The following DSCAM variants were observed in gnomAD, a reference collection of about 807,000 sequenced individuals.
The protein encoded by DSCAM is DS cell adhesion molecule, also known as cell adhesion molecule DSCAM.
A neutral mutation model predicts 217.7 loss-of-function variants in DSCAM; 47 were observed. The ratio of observed to expected loss-of-function variants is 0.22; its 90% confidence interval spans 0.17 to 0.28. The LOEUF (loss-of-function observed/expected upper bound fraction) is 0.28, where lower values mean the gene tolerates loss of function less well. Ranked by LOEUF, DSCAM falls within the 10% of genes least tolerant of loss-of-function variation. DSCAM has a pLI of 1.00. For synonymous variants in DSCAM, 1,056 were observed against 1,015.3 expected (o/e 1.04, Z -0.76); for missense variants, 2,080 against 2,618.3 (o/e 0.79, Z 4.49).
chr21:40,130,804 A>C (rs2146684121), intron 19 of DSCAM, among the ~76,000 whole-genome samples: 1 of 152,352 alleles, frequency 6.6e-6, no homozygotes, highest in East Asian at 1.9e-4. Context: ...ATTGCAAATA[A>C]TCCCTTGCAA....
chr21:40,649,090 A>G (rs1307093781), intron 3 of DSCAM, among the ~76,000 whole-genome samples: 2 of 137,838 alleles, frequency 1.5e-5, no homozygotes, highest in Non-Finnish European at 3.2e-5. Flanking sequence ...AGCCTCACAC[A>G]CTTTATTGAC....
At chr21:40,089,821 C>G (rs2089582043) in intron 21 of DSCAM, among the ~76,000 whole-genome samples, 1 of 152,122 alleles carries the variant, frequency 6.6e-6, no homozygotes, top group African/African-American at 2.4e-5. Context: ...CTACCTACAG[C>G]AATCCTAACC....
chr21:40,075,886 G>A (rs1315057432), intron 26 of DSCAM, among the ~76,000 whole-genome samples: 1 of 152,178 alleles, frequency 6.6e-6, no homozygotes, highest in Admixed American at 6.5e-5. Flanking sequence ...AAACACTGAA[G>A]GAAGATGAAC....
At chr21:40,475,621 A>T (rs2075927306) in intron 3 of DSCAM, among the ~76,000 whole-genome samples, 1 of 152,218 alleles carries the variant, frequency 6.6e-6, no homozygotes. Context: ...TCACAAGGTC[A>T]GGAGTTCAAG....
At chr21:40,404,052 C>G (rs1258339431) in intron 3 of DSCAM, among the ~76,000 whole-genome samples, 1 of 152,070 alleles carries the variant, frequency 6.6e-6, no homozygotes, top group Non-Finnish European at 1.5e-5. Context: ...AATGAGAAAG[C>G]CCTGAGATGG....
chr21:40,736,395 G>A (rs1252886066), intron 1 of DSCAM, among the ~76,000 whole-genome samples: 2 of 152,034 alleles, frequency 1.3e-5, no homozygotes, highest in African/African-American at 4.8e-5. Flanking sequence ...TAAGCTCATG[G>A]GGGCCGTGGG....
At chr21:40,139,838 G>T (rs1036909239) in intron 18 of DSCAM, among the ~76,000 whole-genome samples, 1 of 149,724 alleles carries the variant, frequency 6.7e-6, no homozygotes, top group Admixed American at 6.7e-5. Context: ...GCGTGGTGTG[G>T]TATGTGTGGT....
intron 3 of DSCAM, among the ~76,000 whole-genome samples, chr21:40,374,930 A>C (rs1412731695): frequency 6.6e-6 from 1 of 152,182 alleles, no homozygotes; most frequent in Admixed American, 6.5e-5. Context: ...CTATTTTGTG[A>C]TAGTAGCCCA....
intron 3 of DSCAM, among the ~76,000 whole-genome samples, chr21:40,523,287 C>T (rs939209494): frequency 6.6e-6 from 1 of 151,540 alleles, no homozygotes; most frequent in Non-Finnish European, 1.5e-5. Flanking sequence ...TATTGCAATT[C>T]CCAAGACCAC....
At chr21:40,224,457 C>T (rs1283106166) in intron 11 of DSCAM, among the ~76,000 whole-genome samples, 1 of 152,178 alleles carries the variant, frequency 6.6e-6, no homozygotes, top group Non-Finnish European at 1.5e-5. Flanking sequence ...CAGGAATATG[C>T]TTATCTTTCA....
chr21:40,630,465 GTTTTTGTA>G (rs1693644990), intron 3 of DSCAM, among the ~76,000 whole-genome samples: 2 of 152,086 alleles, frequency 1.3e-5, no homozygotes, highest in Admixed American at 1.3e-4. Flanking sequence ...TGCCCAGCTA[GTTTTTGTA>G]TTTTTAGTAA....
At chr21:40,044,312 C>T (rs2088808055) in intron 30 of DSCAM, 37 bp from the exon 31 acceptor site, 16 of 1,591,514 alleles carry the variant, frequency 1.0e-5, no homozygotes, top group Admixed American at 1.7e-5. Context: ...CCTTTGTCTG[C>T]AGGAGTGTGG....
chr21:40,251,197 T>C lies in DSCAM; in HGVS notation c.2356+24900A>G, dbSNP rs373019395. On this transcript the variant is annotated intron_variant, in intron 11 of 32. Coordinates refer to ENST00000400454, the MANE Select transcript of DSCAM (RefSeq NM_001389.5). ...CACAGTTACTGGGCTGGCCATGTGA[T>C]AGAGAGTGCAGACCACTAAAAGGCA... Among the ~76,000 whole-genome samples the C allele has an allele frequency of 4.6e-4, 70 of 152,308 alleles. No individual in the cohort carries two copies. In the South Asian group the frequency reaches 0.01, roughly 22 times the overall value.
At chr21:40,283,043 A>G (rs2073783891) in intron 10 of DSCAM, among the ~76,000 whole-genome samples, 1 of 152,242 alleles carries the variant, frequency 6.6e-6, no homozygotes, top group African/African-American at 2.4e-5. Flanking sequence ...ACTAAATGGA[A>G]TAATAGTGAA....
chr21:40,780,515 T>C (rs2091534549), intron 1 of DSCAM, among the ~76,000 whole-genome samples: 1 of 150,500 alleles, frequency 6.6e-6, no homozygotes. Flanking sequence ...GTGTGGAGTG[T>C]TACCGGCTGA....
intron 15 of DSCAM, among the ~76,000 whole-genome samples, chr21:40,168,128 G>A (rs2837474): frequency 0.19 from 28,452 of 152,148 alleles, 2,819 homozygotes; most frequent in East Asian, 0.22. Flanking sequence ...ACAGAGTGCT[G>A]AAGCAATGTT....
At chr21:40,495,338 C>A (rs2076109366) in intron 3 of DSCAM, among the ~76,000 whole-genome samples, 1 of 152,124 alleles carries the variant, frequency 6.6e-6, no homozygotes, top group Non-Finnish European at 1.5e-5. Flanking sequence ...GGCTATTCAC[C>A]TTGATCAGTA....
Position 40,288,510 on chromosome 21 carries a change from G to T in DSCAM, c.2182+7545C>A, listed in dbSNP as rs1212363204. On this transcript the variant is annotated intron_variant, in intron 10 of 32. Coordinates refer to ENST00000400454, the MANE Select transcript of DSCAM (RefSeq NM_001389.5). ...AAATAAAAGTCACAAGGGGAGTATT[G>T]TCAAAACAGACATTAAAATAGAAGG... Among the ~76,000 whole-genome samples, 5 of 152,180 alleles carry T rather than the reference G, an allele frequency of 3.3e-5. No homozygotes were observed. The East Asian group carries it at 9.6e-4, about 29-fold the overall frequency.
chr21:40,665,078 A>T (rs977390463), intron 3 of DSCAM, among the ~76,000 whole-genome samples: 4 of 152,192 alleles, frequency 2.6e-5, no homozygotes, highest in Non-Finnish European at 4.4e-5. Flanking sequence ...GAAGCTGAGC[A>T]CATGTTGGTG....
Sources: allele counts gnomAD v4.1 joint callset (sites outside exome capture counted in the v4.1 genomes callset), GRCh38; gene constraint gnomAD v4.1.1; transcripts MANE v1.5; gene names NCBI Gene and HGNC (gene_info 2026-07-23, HGNC 2026-07-21).